Variants in FRMD5 observed in about 807,000 individuals in gnomAD.
FRMD5 encodes the protein FERM domain containing 5, also known as FERM domain-containing protein 5.
A neutral mutation model predicts 69.0 loss-of-function variants in FRMD5; 20 were observed. The ratio of observed to expected loss-of-function variants is 0.29; its 90% CI spans 0.20 to 0.42. FRMD5 has a LOEUF of 0.42. Ranked by LOEUF, FRMD5 falls within the 10% of genes least tolerant of loss-of-function variation. The pLI is 1.00. For missense variants in FRMD5, 595 were observed against 708.6 expected (o/e 0.84, Z 1.82); for synonymous variants, 271 against 260.1 (o/e 1.04, Z -0.40).
chr15:44,179,955 T>G (rs559337312), intron 1 of FRMD5, among the ~76,000 whole-genome samples: 35 of 151,002 alleles, frequency 2.3e-4, no homozygotes, highest in African/African-American at 8.5e-4. Context: ...GGGAGGATCA[T>G]TTGAGGCCAG....
chr15:44,187,751 T>G (rs1222442551), intron 1 of FRMD5, among the ~76,000 whole-genome samples: 1 of 152,124 alleles, frequency 6.6e-6, no homozygotes. Flanking sequence ...AAATTTTTTG[T>G]AGAGACAAGG....
In FRMD5 at chr15:43,873,945, G is replaced by A. The variant is rs564140199; in HGVS notation, c.1653C>T (p.Pro551=). The A allele has an allele frequency of 1.5e-5, 25 of 1,614,088 alleles. No individual in the cohort carries two copies. Among genetic ancestry groups the A allele is most frequent in the Non-Finnish European group, 2.0e-5 (24 of 1,180,048 alleles). The change falls in exon 14 of 14, where the codon CCC becomes CCT. Residue 551 remains proline (P), a synonymous_variant. Coordinates refer to ENST00000417257, the MANE Select transcript of FRMD5 (RefSeq NM_032892.5). The part of the protein sequence containing the change: ...FEQFHYQYFC[P]LRRWFACKIR... ...TTTTGCAGGCAAACCATCGCCTGAGGGGACAAAAGTATTGATAGTGGAATT... is the reference window on the plus strand; with the variant it reads ...TTTTGCAGGCAAACCATCGCCTGAGAGGACAAAAGTATTGATAGTGGAATT...
chr15:44,087,801 G>A (rs1277311002), intron 1 of FRMD5, among the ~76,000 whole-genome samples: 1 of 142,320 alleles, frequency 7.0e-6, no homozygotes, highest in African/African-American at 3.0e-5. Context: ...AGGCATTGAA[G>A]AAGGAGTAAA....
At chr15:43,947,587 G>GAAGA (rs1188628979) in intron 1 of FRMD5, among the ~76,000 whole-genome samples, 5 of 152,162 alleles carry the variant, frequency 3.3e-5, no homozygotes, top group Admixed American at 2.0e-4. Flanking sequence ...AAAGAAGAAT[G>GAAGA]AAGAAAGAAA....
At chr15:44,074,950 T>C (rs566135242) in intron 1 of FRMD5, among the ~76,000 whole-genome samples, 33 of 152,268 alleles carry the variant, frequency 2.2e-4, no homozygotes, top group East Asian at 3.9e-4. Context: ...GAAAAGACCA[T>C]TGGGGTCCCT....
chr15:44,013,982 G>A (rs1890843497), intron 1 of FRMD5, among the ~76,000 whole-genome samples: 1 of 150,948 alleles, frequency 6.6e-6, no homozygotes. Context: ...TCAGCCTCCT[G>A]AGTAGCTGGG....
upstream of FRMD5, among the ~76,000 whole-genome samples, chr15:44,196,752 TTCTCTC>T (rs779388784): frequency 3.2e-3 from 231 of 72,000 alleles, 3 homozygotes; most frequent in African/African-American, 9.7e-3. Flanking sequence ...CTCTCTCTCT[TTCTCTC>T]TCTCTCTCTC....
chr15:43,903,088 C>T (rs1316654297), intron 6 of FRMD5, among the ~76,000 whole-genome samples: 1 of 152,232 alleles, frequency 6.6e-6, no homozygotes, highest in Non-Finnish European at 1.5e-5. Flanking sequence ...GGGCCTTTGG[C>T]ATCACCCCTT....
intron 9 of FRMD5, 135 bp from the exon 10 acceptor site, chr15:43,888,401 C>T: frequency 3.1e-6 from 2 of 639,370 alleles, no homozygotes; most frequent in South Asian, 1.9e-5. Context: ...GTGGGACCCA[C>T]TGAGGCAGAG....
upstream of FRMD5, among the ~76,000 whole-genome samples, chr15:44,198,396 T>C (rs1189270546): frequency 6.6e-6 from 1 of 151,178 alleles, no homozygotes; most frequent in Admixed American, 6.6e-5. Context: ...GAAAGACCAG[T>C]TAGATATTCA....
chr15:44,112,817 G>A (rs1440386546), intron 1 of FRMD5, among the ~76,000 whole-genome samples: 1 of 149,874 alleles, frequency 6.7e-6, no homozygotes, highest in African/African-American at 2.5e-5. Context: ...GGCTGGTCTC[G>A]AACTCCTGAC....
At chr15:43,907,414 C>T (rs555487257) in intron 5 of FRMD5, among the ~76,000 whole-genome samples, 38 of 152,164 alleles carry the variant, frequency 2.5e-4, no homozygotes, top group African/African-American at 7.0e-4. Flanking sequence ...CTGTCATGCA[C>T]GCTGGAGTGC....
chr15:43,988,764 G>A (rs1198764838), intron 1 of FRMD5, among the ~76,000 whole-genome samples: 3 of 152,120 alleles, frequency 2.0e-5, no homozygotes, highest in African/African-American at 4.8e-5. Context: ...AGAGAGAAGT[G>A]GGGTAGCTTG....
chr15:43,930,532 A>G (rs1308278603), intron 1 of FRMD5, among the ~76,000 whole-genome samples: 1 of 152,216 alleles, frequency 6.6e-6, no homozygotes, highest in East Asian at 1.9e-4. Context: ...AGGAGTGGTG[A>G]GGCCCCAAAG....
At chr15:44,145,467 C>G (rs545455443) in intron 1 of FRMD5, among the ~76,000 whole-genome samples, 11 of 152,092 alleles carry the variant, frequency 7.2e-5, no homozygotes, top group Non-Finnish European at 1.5e-4. Flanking sequence ...GCTGGTATCA[C>G]TAAGAAAGTT....
intron 1 of FRMD5, among the ~76,000 whole-genome samples, chr15:44,132,300 T>C (rs945838582): frequency 1.3e-5 from 2 of 152,182 alleles, no homozygotes; most frequent in Non-Finnish European, 2.9e-5. Context: ...TAACAGGCCA[T>C]AGATCAGCAC....
intron 1 of FRMD5, among the ~76,000 whole-genome samples, chr15:44,098,245 G>A (rs1026046326): frequency 6.6e-6 from 1 of 152,014 alleles, no homozygotes; most frequent in African/African-American, 2.4e-5. Context: ...AGGGATACAA[G>A]GCCGGGTGCA....
chr15:44,096,403 C>CT (rs751057566), intron 1 of FRMD5, among the ~76,000 whole-genome samples: 11,270 of 130,758 alleles, frequency 0.086, 490 homozygotes, highest in African/African-American at 0.1. Context: ...TACGGTGTAT[C>CT]TTTTTTTTTT....
chr15:43,922,638 G>A (rs931699324), intron 2 of FRMD5, among the ~76,000 whole-genome samples: 2 of 150,978 alleles, frequency 1.3e-5, no homozygotes, highest in South Asian at 2.1e-4. Flanking sequence ...CACTCTAGGG[G>A]ATGAAGAGAT....
Sources: allele counts gnomAD v4.1 joint callset (sites outside exome capture counted in the v4.1 genomes callset), GRCh38; gene constraint gnomAD v4.1.1; transcripts MANE v1.5; gene names NCBI Gene and HGNC (gene_info 2026-07-23, HGNC 2026-07-21).